EYS: variants seen among roughly 807,000 people sequenced by gnomAD.
EYS encodes protein eyes shut homolog.
A neutral mutation model predicts 282.1 loss-of-function variants in EYS; 250 were observed. The ratio of observed to expected loss-of-function variants is 0.89; its 90% confidence interval spans 0.80 to 0.98. The LOEUF (loss-of-function observed/expected upper bound fraction) is 0.98, where lower values mean the gene tolerates loss of function less well. Ranked by LOEUF, EYS falls within the 50% of genes least tolerant of loss-of-function variation. The pLI is 0.00. For synonymous variants in EYS, 1,355 were observed against 1,282.9 expected (o/e 1.06, Z -1.20); for missense variants, 4,016 against 3,709.0 (o/e 1.08, Z -2.15).
At chr6:63,899,093 G>A (rs1038323460) in intron 35 of EYS, among the ~76,000 whole-genome samples, 3 of 152,148 alleles carry the variant, frequency 2.0e-5, no homozygotes, top group Non-Finnish European at 4.4e-5. Context: ...AGATTATTAC[G>A]TTTATTGACT....
intron 19 of EYS, among the ~76,000 whole-genome samples, chr6:64,884,872 A>G (rs1277427559): frequency 1.3e-5 from 2 of 151,662 alleles, no homozygotes; most frequent in Non-Finnish European, 3.0e-5. Context: ...ACTGAACCTA[A>G]AAATGGACAT....
At chr6:64,454,945 G>A (rs1437930776) in intron 26 of EYS, among the ~76,000 whole-genome samples, 2 of 152,018 alleles carry the variant, frequency 1.3e-5, no homozygotes, top group South Asian at 2.1e-4. Context: ...TCAAGTTAAC[G>A]TATAGAAATC....
chr6:64,609,825 T>A (rs1767052590), intron 24 of EYS, among the ~76,000 whole-genome samples: 1 of 151,978 alleles, frequency 6.6e-6, no homozygotes, highest in African/African-American at 2.4e-5. Context: ...AGTTTGACGC[T>A]GCAGTGAGCT....
At chr6:63,756,803 A>G (rs544926973) in intron 41 of EYS, among the ~76,000 whole-genome samples, 30 of 152,172 alleles carry the variant, frequency 2.0e-4, no homozygotes, top group Non-Finnish European at 3.7e-4. Flanking sequence ...CTTTACTGCA[A>G]TCTCTGAACA....
intron 12 of EYS, among the ~76,000 whole-genome samples, chr6:65,141,360 G>A (rs1413145828): frequency 2.0e-5 from 3 of 151,982 alleles, no homozygotes; most frequent in African/African-American, 7.2e-5. Context: ...CGGGAGCGGG[G>A]AGGGATAGCA....
At chr6:64,102,179 C>T (rs1772852270) in intron 31 of EYS, among the ~76,000 whole-genome samples, 1 of 152,110 alleles carries the variant, frequency 6.6e-6, no homozygotes, top group African/African-American at 2.4e-5. Flanking sequence ...GAATGTGTAG[C>T]ATAATATTCT....
intron 5 of EYS, among the ~76,000 whole-genome samples, chr6:65,467,522 T>C (rs369919873): frequency 2.3e-4 from 32 of 139,530 alleles, no homozygotes; most frequent in Admixed American, 2.0e-3. Flanking sequence ...CACACACACA[T>C]ACACACACAC....
chr6:65,597,852 A>T (rs560671961), intron 2 of EYS, among the ~76,000 whole-genome samples: 3 of 152,008 alleles, frequency 2.0e-5, no homozygotes, highest in African/African-American at 7.2e-5. Context: ...TGTAATCCCA[A>T]TACTTTGGGA....
At chr6:64,320,485 A>G (rs1207996369) in intron 29 of EYS, among the ~76,000 whole-genome samples, 1 of 151,724 alleles carries the variant, frequency 6.6e-6, no homozygotes, top group East Asian at 1.9e-4. Flanking sequence ...TAGTTGAGGT[A>G]TTATATTTTT....
At position 64,971,020 on chromosome 6, in the gene EYS, A is replaced by T. The variant is rs118038049; in HGVS notation, c.2260-25106T>A. Among the ~76,000 whole-genome samples the T allele has an allele frequency of 3.5e-3, 530 of 152,328 alleles. 14 individuals are homozygous for T. The highest frequency in any genetic ancestry group is 0.033 in the East Asian group (171 of 5,166). Reference sequence around the variant, plus strand: ...GATTCAGGATTGCTCTAAGGAAGGCATAACTATAGACTCTGATATAATGCA... The same window carrying T: ...GATTCAGGATTGCTCTAAGGAAGGCTTAACTATAGACTCTGATATAATGCA... On this transcript the variant is annotated intron_variant, in intron 14 of 42. Coordinates refer to ENST00000503581, the MANE Select transcript of EYS (RefSeq NM_001142800.2).
intron 22 of EYS, among the ~76,000 whole-genome samples, chr6:64,640,044 A>G (rs1271695136): frequency 2.1e-5 from 3 of 140,970 alleles, no homozygotes; most frequent in Non-Finnish European, 4.6e-5. Context: ...TAGAATGGCA[A>G]TCATTAAAAA....
intron 21 of EYS, among the ~76,000 whole-genome samples, chr6:64,814,426 A>T (rs1228437099): frequency 6.6e-6 from 1 of 151,998 alleles, no homozygotes; most frequent in African/African-American, 2.4e-5. Context: ...GTGATCAGTA[A>T]ATATTATCTT....
rs148312783 is a variant in EYS, at chr6:64,434,514, T to A, written c.5927+1660A>T. Among the ~76,000 whole-genome samples, 12 of 152,202 alleles carry A rather than the reference T, an allele frequency of 7.9e-5. No homozygotes were observed. The East Asian group carries it at 2.1e-3, about 27-fold the overall frequency. On this transcript the variant is annotated intron_variant, in intron 28 of 42. Coordinates refer to ENST00000503581, the MANE Select transcript of EYS (RefSeq NM_001142800.2). ...CTGGACACATCATTTATAACTCTTATCTTTACCTGATCTTGAACATACAGC... is the reference window on the plus strand; with the variant it reads ...CTGGACACATCATTTATAACTCTTAACTTTACCTGATCTTGAACATACAGC...
intron 5 of EYS, among the ~76,000 whole-genome samples, chr6:65,416,227 A>G (rs1420649133): frequency 6.6e-6 from 1 of 151,980 alleles, no homozygotes; most frequent in Non-Finnish European, 1.5e-5. Context: ...TAGAATGCTT[A>G]AAAGTTTATC....
chr6:64,184,014 G>T (rs1764860114), intron 31 of EYS, among the ~76,000 whole-genome samples: 1 of 152,032 alleles, frequency 6.6e-6, no homozygotes, highest in Non-Finnish European at 1.5e-5. Context: ...TTTTATTTCA[G>T]TGCATAGTTG....
intron 35 of EYS, among the ~76,000 whole-genome samples, chr6:63,882,043 C>T (rs73436936): frequency 1.3e-5 from 2 of 152,256 alleles, no homozygotes; most frequent in East Asian, 1.9e-4. Flanking sequence ...AAGAGACACA[C>T]TAGAACTTTT....
intron 12 of EYS, among the ~76,000 whole-genome samples, chr6:65,213,346 T>G (rs1766222630): frequency 6.6e-6 from 1 of 152,110 alleles, no homozygotes; most frequent in Admixed American, 6.6e-5. Context: ...GAGAAAAACG[T>G]TCCTTTGTTT....
intron 32 of EYS, among the ~76,000 whole-genome samples, chr6:64,067,158 CTTCA>C (rs1350459653): frequency 6.6e-6 from 1 of 152,066 alleles, no homozygotes; most frequent in Non-Finnish European, 1.5e-5. Context: ...TCATAAATGG[CTTCA>C]TTCATCTTTC....
intron 22 of EYS, among the ~76,000 whole-genome samples, chr6:64,695,049 G>C (rs968693677): frequency 6.6e-6 from 1 of 151,926 alleles, no homozygotes; most frequent in African/African-American, 2.4e-5. Flanking sequence ...GCTCTTCTAT[G>C]GAACATTATT....
Sources: gnomAD v4.1 joint callset for allele counts (sites outside exome capture counted in the v4.1 genomes callset) on GRCh38, gnomAD v4.1.1 for gene constraint, MANE v1.5 for transcripts, NCBI Gene and HGNC (gene_info 2026-07-23, HGNC 2026-07-21) for gene names.